The following ANKRD6 variants were observed in gnomAD, a reference collection of about 807,000 sequenced individuals.
The protein encoded by ANKRD6 is ankyrin repeat domain 6.
ANKRD6 carries 56 observed loss-of-function variants against 82.3 expected under a neutral mutation model. That is an observed-to-expected ratio of 0.68 (90% CI 0.55 to 0.85). ANKRD6 has a LOEUF of 0.85. Ranked by LOEUF, ANKRD6 falls within the 40% of genes least tolerant of loss-of-function variation. The probability of loss-of-function intolerance (pLI) is 0.00; values close to 1 mark genes in which losing one functional copy is unlikely to be tolerated. For missense variants in ANKRD6, 852 were observed against 907.6 expected, an observed-to-expected ratio of 0.94 and a Z score of 0.79; for synonymous variants, 347 against 352.1, an observed-to-expected ratio of 0.99 and a Z score of 0.16.
Position 89,563,163 on chromosome 6 carries a change from A to G in ANKRD6, c.-143-3671A>G, listed in dbSNP as rs184459076. On this transcript the variant is annotated intron_variant, in intron 1 of 15. Transcript: ENST00000339746. Reference sequence around the variant, plus strand: ...TGTAAAGCCCCAAGAGAACAGCAAAAGCAAACCTTATAGACCTTTTTCTGT... The same window carrying G: ...TGTAAAGCCCCAAGAGAACAGCAAAGGCAAACCTTATAGACCTTTTTCTGT... Among the ~76,000 whole-genome samples, 171 of 152,350 alleles carry G rather than the reference A, an allele frequency of 1.1e-3. 4 individuals are homozygous for G. The highest frequency in any genetic ancestry group is 1.3e-4 in the Non-Finnish European group (9 of 68,038).
chr6:89,632,358 T>G lies in ANKRD6; in HGVS notation c.*1354T>G, dbSNP rs1350429960. ...AGTGACAATCCATAGATATAGACAT[T>G]CCTAAAAGAAAAATAATTCAGTAGA... On this transcript the variant is annotated 3_prime_UTR_variant, in exon 16 of 16. Transcript: ENST00000339746. 1 of 70,456 alleles carries G rather than the reference T, an allele frequency of 1.4e-5. No individual in the cohort carries two copies. The highest frequency in any genetic ancestry group is 5.1e-5 in the African/African-American group (1 of 19,580). The allele number at this position is 70,456 out of a possible 1,614,324, so 4.4% of individuals were successfully genotyped here. A position where few individuals can be genotyped will look rare whatever the true frequency, so the allele number is the denominator to read the frequency against.
At chr6:89,597,502 C>G (rs1162905570) in intron 3 of ANKRD6, among the ~76,000 whole-genome samples, 2 of 152,214 alleles carry the variant, frequency 1.3e-5, no homozygotes, top group African/African-American at 4.8e-5. Context: ...CCCATTCCAA[C>G]TTGACACCCC....
chr6:89,590,097 A>T (rs1335575907), intron 2 of ANKRD6, among the ~76,000 whole-genome samples: 3 of 152,244 alleles, frequency 2.0e-5, no homozygotes, highest in Admixed American at 2.0e-4. Context: ...GTGGAATTAT[A>T]GAGGATATTC....
chr6:89,525,142 A>G (rs1371059476), intron 1 of ANKRD6, among the ~76,000 whole-genome samples: 1 of 151,994 alleles, frequency 6.6e-6, no homozygotes, highest in Non-Finnish European at 1.5e-5. Flanking sequence ...AAAAACACAA[A>G]AATTAGCTGG....
chr6:89,544,759 T>C (rs182613556), intron 1 of ANKRD6, among the ~76,000 whole-genome samples: 18 of 151,942 alleles, frequency 1.2e-4, no homozygotes, highest in Admixed American at 6.5e-4. Context: ...AACCAGTGGG[T>C]CCTGAAAGTC....
chr6:89,503,808 G>A (rs1779520923), intron 1 of ANKRD6, among the ~76,000 whole-genome samples: 1 of 152,130 alleles, frequency 6.6e-6, no homozygotes, highest in South Asian at 2.1e-4. Flanking sequence ...TTCACTAGCT[G>A]GTGATAAGAG....
At chr6:89,586,331 T>C (rs915069103) in intron 2 of ANKRD6, among the ~76,000 whole-genome samples, 4 of 152,214 alleles carry the variant, frequency 2.6e-5, no homozygotes, top group African/African-American at 9.6e-5. Flanking sequence ...ACAGTCCTTA[T>C]ATCCAACCAT....
chr6:89,598,762 C>T (rs1415655625), intron 3 of ANKRD6, among the ~76,000 whole-genome samples: 2 of 152,114 alleles, frequency 1.3e-5, no homozygotes, highest in South Asian at 2.1e-4. Context: ...GGTTGCAGGC[C>T]CTTCAGGTTT....
At chr6:89,471,779 A>G (rs1000747897) in intron 1 of ANKRD6, among the ~76,000 whole-genome samples, 3 of 151,754 alleles carry the variant, frequency 2.0e-5, no homozygotes, top group Non-Finnish European at 4.4e-5. Context: ...GAGCAATTGT[A>G]GTGGGGTGGC....
At chr6:89,469,008 G>A (rs567455865) in intron 1 of ANKRD6, among the ~76,000 whole-genome samples, 1 of 152,144 alleles carries the variant, frequency 6.6e-6, no homozygotes, top group South Asian at 2.1e-4. Context: ...CTGTCTCCTG[G>A]CTTTTGGGTT....
intron 1 of ANKRD6, among the ~76,000 whole-genome samples, chr6:89,476,464 A>G (rs1233741031): frequency 6.6e-6 from 1 of 152,122 alleles, no homozygotes; most frequent in Non-Finnish European, 1.5e-5. Context: ...GCTGGCACCC[A>G]GCCAATATGT....
At chr6:89,578,286 CTTTT>C (rs71024383) in intron 2 of ANKRD6, among the ~76,000 whole-genome samples, 66,032 of 118,854 alleles carry the variant, frequency 0.56, 21,661 homozygotes, top group Non-Finnish European at 0.62. Flanking sequence ...CTCCCGCCTC[CTTTT>C]TTTTTTTTTT....
intron 1 of ANKRD6, among the ~76,000 whole-genome samples, chr6:89,490,497 G>C (rs1270182133): frequency 1.3e-5 from 2 of 152,252 alleles, no homozygotes; most frequent in Non-Finnish European, 1.5e-5. Flanking sequence ...CTGTGGTGAG[G>C]TGTGGGGGAT....
In ANKRD6 at chr6:89,566,855, T is replaced by A; in HGVS notation, c.-122T>A. The A allele has an allele frequency of 7.3e-7, 1 of 1,367,696 alleles. No individual in the cohort carries two copies. Among genetic ancestry groups the A allele is most frequent in the Non-Finnish European group, 9.9e-7 (1 of 1,008,034 alleles). The allele number at this position is 1,367,696 out of a possible 1,614,324, so 84.7% of individuals were successfully genotyped here. ...CTAGGTCCCGAAGATGGCATATTCA[T>A]AAAGACATCTTCTGATGATTGTGAA... is the stretch of plus-strand genomic sequence containing the variant. On this transcript the variant is annotated 5_prime_UTR_variant, in exon 2 of 16. An upstream open reading frame in the 5' UTR loses its in-frame stop. Coordinates refer to ENST00000339746, the MANE Select transcript of ANKRD6 (RefSeq NM_001242809.2).
intron 1 of ANKRD6, among the ~76,000 whole-genome samples, chr6:89,436,389 T>C (rs898908614): frequency 2.0e-5 from 3 of 152,252 alleles, no homozygotes; most frequent in African/African-American, 7.2e-5. Flanking sequence ...AACTGCAAAC[T>C]ACCTCCAGTT....
intron 1 of ANKRD6, among the ~76,000 whole-genome samples, chr6:89,469,054 A>G (rs922371069): frequency 1.3e-5 from 2 of 152,132 alleles, no homozygotes; most frequent in Admixed American, 6.5e-5. Context: ...GCACTTTCCT[A>G]TACCCAGCTC....
intron 1 of ANKRD6, among the ~76,000 whole-genome samples, chr6:89,498,438 T>A (rs1360715045): frequency 6.6e-6 from 1 of 152,194 alleles, no homozygotes; most frequent in Non-Finnish European, 1.5e-5. Context: ...ATAAATCTTA[T>A]ATATCTGCTA....
chr6:89,540,414 G>A (rs1784324487), intron 1 of ANKRD6, among the ~76,000 whole-genome samples: 1 of 152,068 alleles, frequency 6.6e-6, no homozygotes, highest in South Asian at 2.1e-4. Context: ...TCTGTCATTT[G>A]TATGTCTTCT....
At position 89,495,504 on chromosome 6, in the gene ANKRD6, G is replaced by C. The variant is rs115488601; in HGVS notation, c.-144+62129G>C. Among the ~76,000 whole-genome samples, 589 of 152,278 alleles carry C rather than the reference G, an allele frequency of 3.9e-3. 5 individuals are homozygous for C. The highest frequency in any genetic ancestry group is 0.013 in the African/African-American group (543 of 41,554). The stretch of plus-strand genomic sequence containing the variant: ...TCTTTGCACGTAGATGTCGGCTTGT[G>C]TTGTGTCTGGGACTCTGACAGGTAC... On this transcript the variant is annotated intron_variant, in intron 1 of 15. Coordinates refer to ENST00000339746, the MANE Select transcript of ANKRD6 (RefSeq NM_001242809.2).
Sources: allele counts gnomAD v4.1 joint callset (sites outside exome capture counted in the v4.1 genomes callset), GRCh38; gene constraint gnomAD v4.1.1; transcripts MANE v1.5; gene names NCBI Gene and HGNC (gene_info 2026-07-23, HGNC 2026-07-21).